Variants in NECTIN3 observed in about 807,000 individuals in gnomAD.
NECTIN3 encodes the protein nectin-3.
Under a neutral mutation model 49.4 loss-of-function variants are expected in NECTIN3, and 8 were observed. That is an observed-to-expected ratio of 0.16 (90% CI 0.10 to 0.29). The LOEUF (loss-of-function observed/expected upper bound fraction) is 0.29. Ranked by LOEUF, NECTIN3 falls within the 10% of genes least tolerant of loss-of-function variation. NECTIN3 has a pLI of 1.00. For synonymous variants in NECTIN3, 277 were observed against 241.1 expected (o/e 1.15, Z -1.38); for missense variants, 581 against 654.6 (o/e 0.89, Z 1.23).
intron 1 of NECTIN3, among the ~76,000 whole-genome samples, chr3:111,082,866 A>T (rs1318196257): frequency 6.6e-6 from 1 of 152,168 alleles, no homozygotes; most frequent in African/African-American, 2.4e-5. Flanking sequence ...TCTGGGGGTG[A>T]TGGGAGATAG....
intron 2 of NECTIN3, among the ~76,000 whole-genome samples, chr3:111,117,864 G>A (rs2033755900): frequency 6.6e-6 from 1 of 152,012 alleles, no homozygotes; most frequent in African/African-American, 2.4e-5. Context: ...TAGATTGAGA[G>A]GTTCTAACAT....
Position 111,134,576 on chromosome 3 carries a change from A to G in NECTIN3, c.*361A>G. On this transcript the variant is annotated 3_prime_UTR_variant, in exon 6 of 6. Transcript: ENST00000485303. ...GACATTGTGTATTAAATGTTTACCTAAGACTATAATCTCAAGTATGATGTT... is the reference window on the plus strand; with the variant it reads ...GACATTGTGTATTAAATGTTTACCTGAGACTATAATCTCAAGTATGATGTT... 1.0e-6 allele frequency: 1 copy of G among 957,404 alleles called. No homozygotes were observed. The highest frequency in any genetic ancestry group is 1.2e-6 in the Non-Finnish European group (1 of 802,592). The allele number at this position is 957,404 out of a possible 1,614,324, so 59.3% of individuals were successfully genotyped here. A position where few individuals can be genotyped will look rare whatever the true frequency, so the allele number is the denominator to read the frequency against.
chr3:111,186,442 A>G (rs2035721384), intron 7 of NECTIN3, among the ~76,000 whole-genome samples: 1 of 152,210 alleles, frequency 6.6e-6, no homozygotes, highest in East Asian at 1.9e-4. Flanking sequence ...AAAGTCAACA[A>G]AAAACAAGCA....
At chr3:111,165,448 T>G (rs2035301043) in intron 7 of NECTIN3, among the ~76,000 whole-genome samples, 1 of 152,120 alleles carries the variant, frequency 6.6e-6, no homozygotes, top group Non-Finnish European at 1.5e-5. Context: ...TCTTTACTAC[T>G]TAGAGAATGA....
chr3:111,107,936 G>C (rs1294332797), intron 1 of NECTIN3, among the ~76,000 whole-genome samples: 1 of 152,106 alleles, frequency 6.6e-6, no homozygotes, highest in Non-Finnish European at 1.5e-5. Flanking sequence ...TAAAAAAGCA[G>C]ATATGTAATT....
intron 1 of NECTIN3, among the ~76,000 whole-genome samples, chr3:111,090,577 TG>T (rs1378617268): frequency 6.7e-6 from 1 of 150,196 alleles, no homozygotes; most frequent in African/African-American, 2.4e-5. Flanking sequence ...TTTGTGTGTG[TG>T]TGTGTGTGTG....
chr3:111,077,870 G>A (rs568339172), intron 1 of NECTIN3, among the ~76,000 whole-genome samples: 14 of 152,210 alleles, frequency 9.2e-5, no homozygotes, highest in Non-Finnish European at 1.6e-4. Context: ...AAACCAGCAC[G>A]TTTTAATAGA....
intron 1 of NECTIN3, chr3:111,072,965 TAGTCTCTG>T (rs1399352577): frequency 6.3e-6 from 1 of 159,458 alleles, no homozygotes; most frequent in African/African-American, 2.4e-5. Context: ...ATTTGGGAGT[TAGTCTCTG>T]AGTTTTCTTC....
chr3:111,124,031 C>T (rs56668317), intron 4 of NECTIN3, among the ~76,000 whole-genome samples: 41,482 of 151,954 alleles, frequency 0.27, 11,263 homozygotes, highest in African/African-American at 0.7. Flanking sequence ...CTGTACTCTT[C>T]CTGGTGGGAT....
At chr3:111,077,274 C>T in intron 1 of NECTIN3, 1 of 396,380 alleles carries the variant, frequency 2.5e-6, no homozygotes, top group Non-Finnish European at 5.1e-6. Context: ...AGACCTGTTG[C>T]ATTGTGAGTA....
chr3:111,111,973 G>A, intron 1 of NECTIN3, 57 bp from the exon 2 acceptor site: 1 of 1,143,538 alleles, frequency 8.7e-7, no homozygotes. Context: ...GAAGGGAGGA[G>A]AGTGTTGACC....
chr3:111,110,890 G>A (rs2033429471), intron 1 of NECTIN3, among the ~76,000 whole-genome samples: 1 of 151,932 alleles, frequency 6.6e-6, no homozygotes, highest in Non-Finnish European at 1.5e-5. Context: ...AAGATTCAGG[G>A]AAATAATATT....
chr3:111,146,110 A>G (rs982308426), intron 6 of NECTIN3, among the ~76,000 whole-genome samples: 2 of 152,184 alleles, frequency 1.3e-5, no homozygotes, highest in African/African-American at 4.8e-5. Flanking sequence ...TCAGTATAAT[A>G]CTTGTGGGAC....
At chr3:111,115,364 T>C (rs953424207) in intron 2 of NECTIN3, among the ~76,000 whole-genome samples, 1 of 152,224 alleles carries the variant, frequency 6.6e-6, no homozygotes, top group African/African-American at 2.4e-5. Context: ...GAATTTGAGC[T>C]CTATATTACT....
intron 6 of NECTIN3, among the ~76,000 whole-genome samples, chr3:111,146,382 G>T (rs1026906295): frequency 4.7e-5 from 7 of 149,078 alleles, no homozygotes; most frequent in African/African-American, 1.5e-4. Context: ...TGCAGTGAGC[G>T]GAGATCCCGC....
chr3:111,118,675 GATAAAAGGGCCAGA>G lies in NECTIN3; in HGVS notation c.523_536del (p.Ile175PhefsTer4). 1.2e-6 allele frequency: 2 copies of G among 1,604,258 alleles called. No individual in the cohort carries two copies. The highest frequency in any genetic ancestry group is 1.7e-6 in the Non-Finnish European group (2 of 1,174,502). ...AAACAGTTGAACCCACTGTGAGCCTGATAAAAGGGCCAGATTCTTTAATTGATGGAGGAAATGAA... is the reference window on the plus strand; with the variant it reads ...AAACAGTTGAACCCACTGTGAGCCTGTTCTTTAATTGATGGAGGAAATGAA... On this transcript the variant is annotated frameshift_variant, in exon 3 of 6. Transcript: ENST00000485303. LOFTEE classifies it high-confidence loss of function.
intron 7 of NECTIN3, among the ~76,000 whole-genome samples, chr3:111,185,492 A>G (rs955842910): frequency 1.6e-5 from 2 of 126,570 alleles, no homozygotes; most frequent in African/African-American, 1.0e-4. Flanking sequence ...GTTCTCCATC[A>G]TGGCTGGAAA....
intron 1 of NECTIN3, chr3:111,073,489 A>G (rs570911976): frequency 9.2e-5 from 14 of 152,428 alleles, no homozygotes; most frequent in Middle Eastern, 3.4e-3. Flanking sequence ...AGAGTATAGT[A>G]TGGTAAATGG....
At chr3:111,139,805 A>G (rs1230396792), downstream of NECTIN3, among the ~76,000 whole-genome samples, 4 of 151,786 alleles carry the variant, frequency 2.6e-5, no homozygotes, top group Non-Finnish European at 5.9e-5. Flanking sequence ...TACATGTGCT[A>G]CTACAGCAGT....
Sources: gnomAD v4.1 joint callset for allele counts (sites outside exome capture counted in the v4.1 genomes callset) on GRCh38, gnomAD v4.1.1 for gene constraint, MANE v1.5 for transcripts, NCBI Gene and HGNC (gene_info 2026-07-23, HGNC 2026-07-21) for gene names.